MTSS1: variants seen among roughly 807,000 people sequenced by gnomAD.
MTSS1 encodes MTSS I-BAR domain containing 1.
MTSS1 carries 18 observed loss-of-function variants against 79.0 expected under a neutral mutation model. The observed-to-expected ratio is 0.23, with a 90% CI of 0.16 to 0.34. The LOEUF is 0.34. Among genes scored for constraint, MTSS1 ranks in the 10% least tolerant of loss-of-function variants. The probability of loss-of-function intolerance (pLI) is 1.00; values close to 1 mark genes in which losing one functional copy is unlikely to be tolerated. For missense variants in MTSS1, 815 were observed against 986.2 expected, an observed-to-expected ratio of 0.83 and a Z score of 2.33; for synonymous variants, 341 against 368.6, an observed-to-expected ratio of 0.93 and a Z score of 0.86.
chr8:124,564,687 T>TCACACACACACACACA (rs372411002), intron 9 of MTSS1: 56 of 47,442 alleles, frequency 1.2e-3, no homozygotes, highest in African/African-American at 2.7e-3. Flanking sequence ...GGTCTCTCTT[T>TCACACACACACACACA]CACTCACACA....
At chr8:124,696,810 C>T (rs1828907347) in intron 3 of MTSS1, among the ~76,000 whole-genome samples, 1 of 149,710 alleles carries the variant, frequency 6.7e-6, no homozygotes, top group Non-Finnish European at 1.5e-5. Flanking sequence ...GAGATTGTGC[C>T]ACTGCATTCC....
chr8:124,587,430 C>T (rs892629544), intron 5 of MTSS1, among the ~76,000 whole-genome samples: 1 of 152,204 alleles, frequency 6.6e-6, no homozygotes, highest in Non-Finnish European at 1.5e-5. Context: ...CAATGGGATC[C>T]AGTTAATCCT....
At chr8:124,718,707 G>A (rs543122127) in intron 1 of MTSS1, among the ~76,000 whole-genome samples, 9 of 152,152 alleles carry the variant, frequency 5.9e-5, no homozygotes, top group African/African-American at 1.2e-4. Context: ...ATATCTGCCC[G>A]CTTCCTGCTC....
At chr8:124,628,041 C>T (rs1587408888) in intron 3 of MTSS1, among the ~76,000 whole-genome samples, 1 of 152,092 alleles carries the variant, frequency 6.6e-6, no homozygotes, top group East Asian at 1.9e-4. Context: ...GTGGCATGTG[C>T]CTGTAATCCC....
intron 8 of MTSS1, chr8:124,566,359 G>A (rs1426096811): frequency 6.6e-6 from 1 of 152,544 alleles, no homozygotes; most frequent in Non-Finnish European, 1.5e-5. Context: ...TCAAGTGAAT[G>A]CATGCATGCT....
chr8:124,719,478 G>A (rs377565803), intron 1 of MTSS1, among the ~76,000 whole-genome samples: 22 of 152,202 alleles, frequency 1.4e-4, no homozygotes, highest in Non-Finnish European at 3.1e-4. Flanking sequence ...TGATCTCTAT[G>A]GTGGTGTGGA....
intron 3 of MTSS1, among the ~76,000 whole-genome samples, chr8:124,636,054 T>C (rs1816923897): frequency 1.3e-5 from 2 of 152,086 alleles, no homozygotes; most frequent in Admixed American, 1.3e-4. Flanking sequence ...ACAGGCTCCT[T>C]AGGCTAGGAG....
intron 3 of MTSS1, among the ~76,000 whole-genome samples, chr8:124,633,938 G>T (rs1012469815): frequency 1.3e-5 from 2 of 151,992 alleles, no homozygotes; most frequent in Non-Finnish European, 2.9e-5. Context: ...GCCTCCAAAG[G>T]CAATTCATAT....
chr8:124,702,792 T>C (rs2135454564), intron 2 of MTSS1, among the ~76,000 whole-genome samples: 1 of 152,324 alleles, frequency 6.6e-6, no homozygotes, highest in South Asian at 2.1e-4. Context: ...CTACATGCCA[T>C]GAACCAGGGC....
chr8:124,580,379 C>A, intron 6 of MTSS1: 2 of 629,930 alleles, frequency 3.2e-6, no homozygotes, highest in Non-Finnish European at 5.4e-6. Flanking sequence ...ACAATTAAAA[C>A]ACAACGCACA....
intron 7 of MTSS1, 78 bp from the exon 8 acceptor site, chr8:124,567,256 G>A: frequency 1.6e-6 from 2 of 1,234,132 alleles, no homozygotes; most frequent in Non-Finnish European, 2.4e-6. Context: ...GTTTTCATTA[G>A]GGTCTCTGTA....
chr8:124,574,577 C>T (rs1040751025), intron 6 of MTSS1, among the ~76,000 whole-genome samples: 5 of 152,178 alleles, frequency 3.3e-5, no homozygotes, highest in African/African-American at 9.7e-5. Flanking sequence ...AGGAGCTAAA[C>T]AGCCGATCAA....
At chr8:124,629,505 CAAAAAA>C (rs982816199) in intron 3 of MTSS1, among the ~76,000 whole-genome samples, 1 of 62,216 alleles carries the variant, frequency 1.6e-5, no homozygotes, top group African/African-American at 5.1e-5. Flanking sequence ...GACTCCGTCT[CAAAAAA>C]AAAAAAAAAA....
intron 3 of MTSS1, among the ~76,000 whole-genome samples, chr8:124,638,986 C>CA (rs1455311577): frequency 6.6e-6 from 1 of 152,152 alleles, no homozygotes; most frequent in African/African-American, 2.4e-5. Context: ...ATTGTCACAA[C>CA]AAAAAAGTAA....
intron 3 of MTSS1, among the ~76,000 whole-genome samples, chr8:124,626,674 T>C (rs570332633): frequency 2.5e-4 from 38 of 151,646 alleles, no homozygotes; most frequent in African/African-American, 9.2e-4. Flanking sequence ...GAGGAGATAA[T>C]GAGGTGCACC....
At chr8:124,684,898 A>T (rs1234400872) in intron 3 of MTSS1, among the ~76,000 whole-genome samples, 3 of 152,176 alleles carry the variant, frequency 2.0e-5, no homozygotes, top group African/African-American at 4.8e-5. Context: ...CATTCCATTC[A>T]TTCAAAGAAG....
intron 3 of MTSS1, among the ~76,000 whole-genome samples, chr8:124,629,638 C>T (rs1815499526): frequency 6.6e-6 from 1 of 152,066 alleles, no homozygotes. Flanking sequence ...ACACGAGTTC[C>T]CACATCCCTG....
intron 3 of MTSS1, among the ~76,000 whole-genome samples, chr8:124,635,671 T>C (rs550304474): frequency 1.3e-5 from 2 of 152,292 alleles, no homozygotes; most frequent in South Asian, 4.1e-4. Flanking sequence ...TAATCATCTT[T>C]ACACTCTCCA....
At chr8:124,598,879 C>T (rs1160214807) in intron 3 of MTSS1, among the ~76,000 whole-genome samples, 1 of 152,134 alleles carries the variant, frequency 6.6e-6, no homozygotes, top group Non-Finnish European at 1.5e-5. Flanking sequence ...CCGCAGCTGT[C>T]TGGTTAGGAA....
Sources: allele counts gnomAD v4.1 joint callset (sites outside exome capture counted in the v4.1 genomes callset), GRCh38; gene constraint gnomAD v4.1.1; transcripts MANE v1.5; gene names NCBI Gene and HGNC (gene_info 2026-07-23, HGNC 2026-07-21).